The following SOD2 variants were observed in gnomAD, a reference collection of about 807,000 sequenced individuals.
The protein encoded by SOD2 is superoxide dismutase 2.
A neutral mutation model predicts 27.0 loss-of-function variants in SOD2; 11 were observed. That is an observed-to-expected ratio of 0.41 (90% confidence interval 0.26 to 0.67). SOD2 has a LOEUF of 0.67. Among genes scored for constraint, SOD2 ranks in the 30% least tolerant of loss-of-function variants. The probability of loss-of-function intolerance (pLI) is 0.34; values close to 1 mark genes in which losing one functional copy is unlikely to be tolerated. For synonymous variants in SOD2, 105 were observed against 103.0 expected, an observed-to-expected ratio of 1.02 and a Z score of -0.12; for missense variants, 250 against 274.5, an observed-to-expected ratio of 0.91 and a Z score of 0.63.
chr6:159,701,110 C>A (rs1029622014), intron 1 of SOD2, among the ~76,000 whole-genome samples: 1 of 152,096 alleles, frequency 6.6e-6, no homozygotes, highest in Non-Finnish European at 1.5e-5. Context: ...AAATATAACC[C>A]CACACCTGCT....
At chr6:159,730,019 T>C (rs1778470093), upstream of SOD2, among the ~76,000 whole-genome samples, 1 of 152,186 alleles carries the variant, frequency 6.6e-6, no homozygotes, top group African/African-American at 2.4e-5. Flanking sequence ...TTCTGAGATA[T>C]ATTATCTCTG....
At chr6:159,743,188 C>T (rs1310160563) in intron 1 of SOD2, among the ~76,000 whole-genome samples, 1 of 152,214 alleles carries the variant, frequency 6.6e-6, no homozygotes, top group Non-Finnish European at 1.5e-5. Context: ...GCTGGGATTA[C>T]AGACATGCAT....
rs1343488992 is a variant in SOD2 at position 159,669,884 on chromosome 6, G to A, written c.*12609C>T. The A allele has an allele frequency of 6.6e-6, 1 of 152,124 alleles. No individual in the cohort carries two copies. The highest frequency in any genetic ancestry group is 1.5e-5 in the Non-Finnish European group (1 of 68,018). 9.4% of individuals were successfully genotyped at this position (152,124 alleles called of 1,614,324 possible). ...AGGCAGCATACAGTCGAGTCATGATGGTGGTTTTTAATCCATTCAGTCAAT... is the reference window on the plus strand; with the variant it reads ...AGGCAGCATACAGTCGAGTCATGATAGTGGTTTTTAATCCATTCAGTCAAT... On this transcript the variant is annotated 3_prime_UTR_variant, in exon 5 of 5. Transcript: ENST00000538183.
chr6:159,687,498 A>C (rs1780246599), intron 3 of SOD2, among the ~76,000 whole-genome samples: 1 of 151,722 alleles, frequency 6.6e-6, no homozygotes, highest in South Asian at 2.1e-4. Context: ...AAAAAAGTTC[A>C]TAAAATGAAG....
In SOD2 at chr6:159,674,118, A is replaced by C. The variant is rs1005066117; in HGVS notation, c.*8375T>G. The stretch of plus-strand genomic sequence containing the variant: ...GGCAATAATTAATAGCCTACCAACC[A>C]AAAAAAGTCCAGGACAAGATGGATT... On this transcript the variant is annotated 3_prime_UTR_variant, in exon 5 of 5. Coordinates refer to ENST00000538183, the MANE Select transcript of SOD2 (RefSeq NM_000636.4). 1.3e-5 allele frequency: 2 copies of C among 152,148 alleles called. No individual in the cohort carries two copies. The highest frequency in any genetic ancestry group is 2.9e-5 in the Non-Finnish European group (2 of 68,022). 9.4% of individuals were successfully genotyped at this position (152,148 alleles called of 1,614,324 possible).
In SOD2 at chr6:159,743,819, C is replaced by T. The variant is rs373044332; in HGVS notation, c.-116+1311G>A. On this transcript the variant is annotated intron_variant, in intron 1 of 3. Coordinates refer to the SOD2 transcript ENST00000537657. ...TAAGTATTTCAAGTTATATAAATGT[C>T]TTTAGTTGAGGAATTGGTTTTTAGT... The T allele has an allele frequency of 9.5e-6, 15 of 1,571,798 alleles. No individual in the cohort carries two copies. In the African/African-American group the frequency reaches 1.8e-4, roughly 19 times the overall value.
intron 1 of SOD2, chr6:159,755,137 C>A: frequency 6.2e-7 from 1 of 1,614,118 alleles, no homozygotes; most frequent in Non-Finnish European, 8.5e-7. Flanking sequence ...TGGCTCAGTA[C>A]CAGCAGCAGC....
At chr6:159,756,530 T>C (rs754394106) in intron 1 of SOD2, among the ~76,000 whole-genome samples, 18 of 151,640 alleles carry the variant, frequency 1.2e-4, no homozygotes, top group Non-Finnish European at 2.5e-4. Flanking sequence ...TCTTGACTTA[T>C]AATTGTTACA....
chr6:159,689,683 G>C (rs1780357462), intron 2 of SOD2, among the ~76,000 whole-genome samples: 2 of 152,226 alleles, frequency 1.3e-5, no homozygotes, highest in African/African-American at 4.8e-5. Context: ...GTCTGGGCCG[G>C]GTGCGGTGGC....
chr6:159,701,736 G>C (rs892969747), intron 1 of SOD2, among the ~76,000 whole-genome samples: 1 of 152,146 alleles, frequency 6.6e-6, no homozygotes, highest in Non-Finnish European at 1.5e-5. Flanking sequence ...TCAGTGCTAT[G>C]GTAGAATCTC....
At chr6:159,759,850 A>G (rs1780086977) in intron 1 of SOD2, among the ~76,000 whole-genome samples, 1 of 152,214 alleles carries the variant, frequency 6.6e-6, no homozygotes, top group Admixed American at 6.5e-5. Flanking sequence ...AACTTACTCT[A>G]GATAGAGCCT....
chr6:159,727,084 C>T, intron 1 of SOD2: 1 of 1,197,502 alleles, frequency 8.4e-7, no homozygotes, highest in Non-Finnish European at 1.1e-6. Context: ...TGGGGCTGAC[C>T]TCCGACCTCG....
chr6:159,717,841 C>G (rs1777948863), intron 1 of SOD2, among the ~76,000 whole-genome samples: 1 of 151,852 alleles, frequency 6.6e-6, no homozygotes, highest in Admixed American at 6.6e-5. Flanking sequence ...GCTTATTTCA[C>G]TTAATATAAT....
chr6:159,748,616 A>T, upstream of SOD2: 2 of 1,298,840 alleles, frequency 1.5e-6, no homozygotes. The surrounding 1 kb of genome is among the most constrained non-coding windows in gnomAD (Gnocchi z 5.6). Flanking sequence ...GACTATTCCG[A>T]AGAAGTGGCC....
chr6:159,744,307 A>C (rs1050295084), intron 1 of SOD2, among the ~76,000 whole-genome samples: 1 of 152,176 alleles, frequency 6.6e-6, no homozygotes, highest in African/African-American at 2.4e-5. Context: ...ATAATTGATC[A>C]TCCAGCTCTG....
rs1779701277 is a variant in SOD2, at chr6:159,672,965, C to T, written c.*9528G>A. 6.6e-6 allele frequency: 1 copy of T among 152,020 alleles called. No individual in the cohort carries two copies. Among genetic ancestry groups the T allele is most frequent in the Non-Finnish European group, 1.5e-5 (1 of 68,004 alleles). 9.4% of individuals were successfully genotyped at this position (152,020 alleles called of 1,614,324 possible). On this transcript the variant is annotated 3_prime_UTR_variant, in exon 5 of 5. Coordinates refer to ENST00000538183, the MANE Select transcript of SOD2 (RefSeq NM_000636.4). Reference sequence around the variant, plus strand: ...GTTGCAATCCTAGTCTCTGATAAAACAGACTTTAAACCAACAAAGATCAAA... The same window carrying T: ...GTTGCAATCCTAGTCTCTGATAAAATAGACTTTAAACCAACAAAGATCAAA...
exon 1 of SOD2, chr6:159,727,253 T>C: frequency 7.8e-7 from 1 of 1,282,614 alleles, no homozygotes; most frequent in Middle Eastern, 2.1e-4. Flanking sequence ...GCCGACGGCC[T>C]CCCTCCCTTC....
At chr6:159,718,558 A>G (rs1583044646) in intron 1 of SOD2, among the ~76,000 whole-genome samples, 1 of 152,240 alleles carries the variant, frequency 6.6e-6, no homozygotes, top group African/African-American at 2.4e-5. Flanking sequence ...TTATAGCTTT[A>G]ATTATAATTT....
At chr6:159,720,710 C>A (rs533932513) in intron 1 of SOD2, among the ~76,000 whole-genome samples, 53 of 152,228 alleles carry the variant, frequency 3.5e-4, no homozygotes, top group Non-Finnish European at 5.3e-4. Flanking sequence ...CTAGTACTAT[C>A]AGATTTGCAT....
Sources: allele counts gnomAD v4.1 joint callset (sites outside exome capture counted in the v4.1 genomes callset), GRCh38; gene constraint gnomAD v4.1.1; non-coding constraint Gnocchi (gnomAD v3.1); transcripts MANE v1.5; gene names NCBI Gene and HGNC (gene_info 2026-07-23, HGNC 2026-07-21).